HMGN3: variants seen among roughly 807,000 people sequenced by gnomAD.
HMGN3 encodes the protein high mobility group nucleosome-binding domain-containing protein 3.
Under a neutral mutation model 18.8 loss-of-function variants are expected in HMGN3, and 6 were observed. The observed-to-expected ratio is 0.32, with a 90% CI of 0.18 to 0.63. HMGN3 has a LOEUF of 0.63. HMGN3 is among the 30% of genes least tolerant of loss of function. The pLI is 0.79. For missense variants in HMGN3, 107 were observed against 114.2 expected, an observed-to-expected ratio of 0.94 and a Z score of 0.29; for synonymous variants, 40 against 36.5, an observed-to-expected ratio of 1.10 and a Z score of -0.35.
intron 2 of HMGN3, among the ~76,000 whole-genome samples, chr6:79,213,172 C>G (rs954590320): frequency 6.6e-6 from 1 of 151,856 alleles, no homozygotes; most frequent in Non-Finnish European, 1.5e-5. Flanking sequence ...CCAGGGAGAT[C>G]GAGACTGCAG....
At chr6:79,201,341 CA>C (rs983151335) in exon 6 of HMGN3, 2 of 217,280 alleles carry the variant, frequency 9.2e-6, no homozygotes, top group Non-Finnish European at 1.8e-5. Flanking sequence ...AACCTAGGTA[CA>C]AAAGCACCAC....
chr6:79,226,407 ATAT>A (rs1452070798), intron 1 of HMGN3, among the ~76,000 whole-genome samples: 2 of 152,210 alleles, frequency 1.3e-5, no homozygotes, highest in African/African-American at 4.8e-5. Context: ...GGAAGAATTA[ATAT>A]TATTAATGCA....
chr6:79,219,646 A>G (rs964113520), intron 1 of HMGN3, among the ~76,000 whole-genome samples: 1 of 152,148 alleles, frequency 6.6e-6, no homozygotes, highest in African/African-American at 2.4e-5. Context: ...TAGATTTTCT[A>G]ATTGCCACAT....
chr6:79,212,304 T>C (rs1776732876), intron 2 of HMGN3, among the ~76,000 whole-genome samples: 1 of 152,216 alleles, frequency 6.6e-6, no homozygotes, highest in Non-Finnish European at 1.5e-5. Flanking sequence ...TTTGCTCTAG[T>C]TAAAATAGGG....
intron 1 of HMGN3, among the ~76,000 whole-genome samples, chr6:79,226,112 T>A (rs2127837050): frequency 6.6e-6 from 1 of 152,300 alleles, no homozygotes; most frequent in East Asian, 1.9e-4. Flanking sequence ...AATTCCTGAG[T>A]AAAAGAGGGC....
intron 1 of HMGN3, among the ~76,000 whole-genome samples, chr6:79,232,452 C>T (rs2127844459): frequency 6.6e-6 from 1 of 152,250 alleles, no homozygotes; most frequent in South Asian, 2.1e-4. Flanking sequence ...TTTCCATCAC[C>T]GGAGAACACT....
chr6:79,211,989 G>A (rs988692859), intron 2 of HMGN3, among the ~76,000 whole-genome samples: 1 of 150,860 alleles, frequency 6.6e-6, no homozygotes. Context: ...TGTTGCTCCT[G>A]AGCCTGACCA....
At chr6:79,228,826 C>G (rs932765553) in intron 1 of HMGN3, among the ~76,000 whole-genome samples, 3 of 152,222 alleles carry the variant, frequency 2.0e-5, no homozygotes, top group African/African-American at 7.2e-5. Context: ...CTCAGCCTCT[C>G]AAACTGTGGG....
In HMGN3 at chr6:79,229,607, G is replaced by A. The variant is rs1224101805; in HGVS notation, c.15+4939C>T. Among the ~76,000 whole-genome samples the A allele has an allele frequency of 2.6e-5, 4 of 152,196 alleles. No individual in the cohort carries two copies. The East Asian group carries it at 7.7e-4, about 29-fold the overall frequency. ...CGTTAAACATAGACGGCCGGGCGCCGTGGCTCACACCTGTAATCCCAGCAC... is the reference window on the plus strand; with the variant it reads ...CGTTAAACATAGACGGCCGGGCGCCATGGCTCACACCTGTAATCCCAGCAC... On this transcript the variant is annotated intron_variant, in intron 1 of 5. Transcript: ENST00000344726.
intron 1 of HMGN3, among the ~76,000 whole-genome samples, chr6:79,218,886 A>G (rs1389218190): frequency 1.3e-5 from 2 of 152,152 alleles, no homozygotes; most frequent in African/African-American, 4.8e-5. Flanking sequence ...ACACGGATAA[A>G]CTCTAGACCA....
At chr6:79,224,920 T>C (rs1777491364) in intron 1 of HMGN3, among the ~76,000 whole-genome samples, 1 of 152,202 alleles carries the variant, frequency 6.6e-6, no homozygotes, top group Admixed American at 6.5e-5. Flanking sequence ...GCAAAACTAA[T>C]CAGCTGGCTG....
At chr6:79,217,673 C>T (rs1777059287) in intron 1 of HMGN3, among the ~76,000 whole-genome samples, 1 of 152,126 alleles carries the variant, frequency 6.6e-6, no homozygotes, top group African/African-American at 2.4e-5. Flanking sequence ...TTTGGAAAGA[C>T]CTACCATTAT....
rs76958613 is a variant in HMGN3 at position 79,221,140 on chromosome 6, C to T, written c.16-6118G>A. Among the ~76,000 whole-genome samples, 538 of 152,172 alleles carry T rather than the reference C, an allele frequency of 3.5e-3. 5 individuals are homozygous for T. Among genetic ancestry groups the T allele is most frequent in the African/African-American group, 0.012 (497 of 41,516 alleles). On this transcript the variant is annotated intron_variant, in intron 1 of 5. Coordinates refer to ENST00000344726, the Ensembl canonical transcript of HMGN3. The stretch of plus-strand genomic sequence containing the variant: ...ATTAAAAACAGTACCATATCTACTC[C>T]CTAATACAAATTACATAACTAGGTT...
chr6:79,210,576 G>T (rs1776637803), intron 2 of HMGN3, among the ~76,000 whole-genome samples: 1 of 152,082 alleles, frequency 6.6e-6, no homozygotes, highest in Non-Finnish European at 1.5e-5. Flanking sequence ...CTCAATAAGT[G>T]TTGAGATGAA....
At chr6:79,212,870 C>CTTT in intron 2 of HMGN3, among the ~76,000 whole-genome samples, 2 of 152,034 alleles carry the variant, frequency 1.3e-5, no homozygotes, top group African/African-American at 4.8e-5. Flanking sequence ...CAGTTTTTAC[C>CTTT]CGAAACCATC....
At chr6:79,202,890 A>G (rs767934946) in intron 4 of HMGN3, among the ~76,000 whole-genome samples, 1 of 152,166 alleles carries the variant, frequency 6.6e-6, no homozygotes, top group Non-Finnish European at 1.5e-5. Flanking sequence ...TAATTTTAAG[A>G]CCAAACAACA....
Position 79,203,094 on chromosome 6 carries a change from G to A in HMGN3, c.147+486C>T, listed in dbSNP as rs145008205. ...TCTACTTCAACAGAGTTGATGTGAAGGTCATATGAGTAAAGCAATCAACCT... is the reference window on the plus strand; with the variant it reads ...TCTACTTCAACAGAGTTGATGTGAAAGTCATATGAGTAAAGCAATCAACCT... On this transcript the variant is annotated intron_variant, in intron 4 of 5. Transcript: ENST00000344726. 3.1e-3 allele frequency among the ~76,000 whole-genome samples: 477 copies of A among 152,294 alleles called. 2 individuals are homozygous for A. Among genetic ancestry groups the A allele is most frequent in the African/African-American group, 1.0e-2 (415 of 41,546 alleles).
At chr6:79,206,647 T>C (rs553406216) in intron 3 of HMGN3, among the ~76,000 whole-genome samples, 75 of 152,296 alleles carry the variant, frequency 4.9e-4, no homozygotes, top group Non-Finnish European at 9.1e-4. Flanking sequence ...AGAAGGGCAA[T>C]GTGGGGTTGA....
At chr6:79,202,294 A>C (rs1776177095) in exon 5 of HMGN3, 1 of 1,613,938 alleles carries the variant, frequency 6.2e-7, no homozygotes, top group Non-Finnish European at 8.5e-7. Flanking sequence ...CTTTAGTTTC[A>C]CCATTTTCAG....
Sources: allele counts gnomAD v4.1 joint callset (sites outside exome capture counted in the v4.1 genomes callset), GRCh38; gene constraint gnomAD v4.1.1; transcripts MANE v1.5; gene names NCBI Gene and HGNC (gene_info 2026-07-23, HGNC 2026-07-21).